Variants in BRF1 observed in about 807,000 individuals in gnomAD.
The protein encoded by BRF1 is BRF1 general transcription factor IIIB subunit, also known as transcription factor IIIB 90 kDa subunit.
BRF1 carries 59 observed loss-of-function variants against 81.7 expected under a neutral mutation model. That is an observed-to-expected ratio of 0.72 (90% CI 0.59 to 0.90). BRF1 has a LOEUF of 0.90. Among genes scored for constraint, BRF1 ranks in the 40% least tolerant of loss-of-function variants. BRF1 has a pLI of 0.00. For synonymous variants in BRF1, 491 were observed against 395.6 expected (o/e 1.24, Z -2.86); for missense variants, 1,050 against 936.3 (o/e 1.12, Z -1.58).
intron 8 of BRF1, 29 bp downstream of exon 8, chr14:105,226,605 G>A (rs773769757): frequency 6.2e-7 from 1 of 1,612,270 alleles, no homozygotes; most frequent in Non-Finnish European, 8.5e-7. Flanking sequence ...GGCAAGCCCA[G>A]CACAGACAGA....
chr14:105,280,630 T>TGATCCTGAGCCTGC (rs2057034893), intron 2 of BRF1, among the ~76,000 whole-genome samples: 1 of 142,542 alleles, frequency 7.0e-6, no homozygotes. Flanking sequence ...GTGGAGGCTG[T>TGATCCTGAGCCTGC]GTGATCCTGA....
Position 105,219,065 on chromosome 14 carries a change from G to GA in BRF1, c.1460-13dup. ...TCTTGCTTCTTTTTCTAAAAGTTCA[G>GA]AAAGGGGGCCAGCGTCACTGAGGGC... On this transcript the variant is annotated splice_polypyrimidine_tract_variant and intron_variant, in intron 13 of 17. Coordinates refer to ENST00000547530, the MANE Select transcript of BRF1 (RefSeq NM_001519.4). 1.2e-6 allele frequency: 2 copies of GA among 1,613,940 alleles called. No individual in the cohort carries two copies.
intron 16 of BRF1, chr14:105,211,716 C>G: frequency 2.8e-6 from 1 of 355,672 alleles, no homozygotes; most frequent in Non-Finnish European, 5.2e-6. Context: ...CACCTTCACC[C>G]TCGTTTCCTG....
chr14:105,244,886 A>G (rs1375973492), intron 5 of BRF1, among the ~76,000 whole-genome samples: 2 of 152,116 alleles, frequency 1.3e-5, no homozygotes, highest in East Asian at 3.8e-4. Context: ...ATGATAGAAC[A>G]AAGAAACCCT....
rs188202047 is a variant in BRF1, at chr14:105,313,272, C to G, written c.-162+2050G>C. On this transcript the variant is annotated intron_variant, in intron 1 of 17. Coordinates refer to the BRF1 transcript ENST00000327359. ...TCTGGGGTCAATGGGTGCCTGTCTC[C>G]TGCCCTCCCATCACAGACAGCCTGT... Among the ~76,000 whole-genome samples, 3 of 152,320 alleles carry G rather than the reference C, an allele frequency of 2.0e-5. No individual in the cohort carries two copies. In the East Asian group the frequency reaches 5.8e-4, roughly 29 times the overall value.
At chr14:105,294,157 C>T (rs1305360140) in intron 1 of BRF1, among the ~76,000 whole-genome samples, 2 of 152,208 alleles carry the variant, frequency 1.3e-5, no homozygotes, top group South Asian at 4.1e-4. Context: ...CCCCTCTCTC[C>T]TCCCCACTCT....
chr14:105,214,354 G>A (rs587644330), intron 15 of BRF1, among the ~76,000 whole-genome samples: 84 of 152,164 alleles, frequency 5.5e-4, no homozygotes, highest in African/African-American at 1.9e-3. Context: ...AGCAGCCCGA[G>A]TGACCACAGA....
intron 1 of BRF1, among the ~76,000 whole-genome samples, chr14:105,288,127 C>T (rs1160638503): frequency 2.6e-5 from 4 of 152,168 alleles, no homozygotes; most frequent in Non-Finnish European, 4.4e-5. Flanking sequence ...CTGTGGCTGC[C>T]ATAAAAATTG....
At chr14:105,292,572 T>C (rs2057560710) in intron 1 of BRF1, among the ~76,000 whole-genome samples, 2 of 152,022 alleles carry the variant, frequency 1.3e-5, no homozygotes, top group Non-Finnish European at 1.5e-5. Context: ...CAGTAATGGA[T>C]GGAGAGGAAT....
In BRF1 at chr14:105,315,100, C is replaced by T; in HGVS notation, c.-162+222G>A. ...CCTGCTGGGGGTGTCCTGGCCGCGGCCTCTGCGCGCCCCATCCCCGGCCCG... is the reference window on the plus strand; with the variant it reads ...CCTGCTGGGGGTGTCCTGGCCGCGGTCTCTGCGCGCCCCATCCCCGGCCCG... On this transcript the variant is annotated intron_variant, in intron 1 of 17. Transcript: ENST00000327359. The surrounding 1 kb of genome is among the most constrained non-coding windows in gnomAD (Gnocchi z 4.4). 4.0e-6 allele frequency: 4 copies of T among 997,148 alleles called. No individual in the cohort carries two copies. The highest frequency in any genetic ancestry group is 4.9e-6 in the Non-Finnish European group (4 of 823,526). 61.8% of individuals were successfully genotyped at this position (997,148 alleles called of 1,614,324 possible).
In BRF1 at chr14:105,300,738, G is replaced by T; in HGVS notation, c.-109C>A. On this transcript the variant is annotated 5_prime_UTR_variant, in exon 1 of 18. Coordinates refer to ENST00000547530, the MANE Select transcript of BRF1 (RefSeq NM_001519.4). ...CAGGCCCAGCCGCCCAGGCCTCGCC[G>T]CTCTCGCGAGGCCCCGCTCCAGCCG... is the stretch of plus-strand genomic sequence containing the variant. The T allele has an allele frequency of 1.2e-6, 1 of 845,594 alleles. No individual in the cohort carries two copies. The highest frequency in any genetic ancestry group is 1.5e-6 in the Non-Finnish European group (1 of 647,302). 52.4% of individuals were successfully genotyped at this position (845,594 alleles called of 1,614,324 possible). A position where few individuals can be genotyped will look rare whatever the true frequency, so the allele number is the denominator to read the frequency against.
At chr14:105,282,417 A>C (rs995683338) in intron 2 of BRF1, among the ~76,000 whole-genome samples, 1 of 152,214 alleles carries the variant, frequency 6.6e-6, no homozygotes, top group Non-Finnish European at 1.5e-5. Flanking sequence ...AGACTTCACC[A>C]AAACAGTAAC....
At chr14:105,278,682 G>A (rs1054553108) in intron 2 of BRF1, among the ~76,000 whole-genome samples, 3 of 152,026 alleles carry the variant, frequency 2.0e-5, no homozygotes, top group African/African-American at 4.8e-5. Context: ...GAGGTGGGAG[G>A]ATCACTGGAG....
intron 5 of BRF1, chr14:105,250,743 C>A: frequency 6.9e-7 from 1 of 1,454,410 alleles, no homozygotes; most frequent in Non-Finnish European, 9.4e-7. Context: ...TGCTTCTTGA[C>A]ACCATGAAAG....
At chr14:105,218,942 C>G (rs1417430742) in intron 14 of BRF1, 56 bp downstream of exon 14, 1 of 1,607,406 alleles carries the variant, frequency 6.2e-7, no homozygotes, top group Admixed American at 1.7e-5. Flanking sequence ...GAGACATTTG[C>G]CCCCCGTAAC....
chr14:105,241,850 G>T (rs2054686521), intron 5 of BRF1: 1 of 217,696 alleles, frequency 4.6e-6, no homozygotes, highest in East Asian at 1.1e-4. Context: ...GTGAGAGGAG[G>T]GCCCACTTCT....
At chr14:105,296,697 A>G (rs1193302738) in intron 1 of BRF1, among the ~76,000 whole-genome samples, 4 of 151,906 alleles carry the variant, frequency 2.6e-5, no homozygotes, top group Non-Finnish European at 5.9e-5. Flanking sequence ...AAAAGAAAAA[A>G]AAAAAAAAAC....
chr14:105,241,221 A>G, intron 6 of BRF1, 44 bp downstream of exon 6: 3 of 1,600,924 alleles, frequency 1.9e-6, no homozygotes, highest in African/African-American at 1.3e-5. Flanking sequence ...GTGTGAGGCC[A>G]GGACCCAGAC....
Position 105,241,393 on chromosome 14 carries a change from C to T in BRF1, c.566G>A (p.Arg189His), listed in dbSNP as rs777141032. Reference sequence around the variant, plus strand: ...CCCGAATTCCAGCAGGTGCGCAAAGCGTGGAATATACAGGCACGGGTCTGC... The same window carrying T: ...CCCGAATTCCAGCAGGTGCGCAAAGTGTGGAATATACAGGCACGGGTCTGC... Reference protein sequence around the residue: ...PAIDPCLYIPRFAHLLEFGEK... With the variant: ...PAIDPCLYIPHFAHLLEFGEK... Residue 189 changes from arginine (R) to histidine (H), a missense_variant, in exon 6 of 18, where the codon CGC (arginine) becomes CAC (histidine). This residue lies in a region of BRF1 where 1,043 missense variants were observed against 915.4 expected (regional missense o/e 1.14). Transcript: ENST00000547530. The T allele has an allele frequency of 6.2e-7, 1 of 1,612,574 alleles. No homozygotes were observed. Among genetic ancestry groups the T allele is most frequent in the Non-Finnish European group, 8.5e-7 (1 of 1,179,920 alleles).
Sources: allele counts gnomAD v4.1 joint callset (sites outside exome capture counted in the v4.1 genomes callset), GRCh38; gene constraint gnomAD v4.1.1; regional missense constraint gnomAD v4.1.1; non-coding constraint Gnocchi (gnomAD v3.1); transcripts MANE v1.5; gene names NCBI Gene and HGNC (gene_info 2026-07-23, HGNC 2026-07-21).